ZNRF3: variants seen among roughly 807,000 people sequenced by gnomAD.
ZNRF3 encodes the protein E3 ubiquitin-protein ligase ZNRF3.
ZNRF3 carries 23 observed loss-of-function variants against 72.5 expected under a neutral mutation model. The observed-to-expected ratio is 0.32, with a 90% CI of 0.23 to 0.45. The LOEUF (loss-of-function observed/expected upper bound fraction) is 0.45. ZNRF3 is among the 20% of genes least tolerant of loss of function. ZNRF3 has a pLI of 1.00. For synonymous variants in ZNRF3, 610 were observed against 545.3 expected, an observed-to-expected ratio of 1.12 and a Z score of -1.65; for missense variants, 1,169 against 1,272.1, an observed-to-expected ratio of 0.92 and a Z score of 1.23.
At chr22:28,902,214 G>C (rs1405708172) in intron 1 of ZNRF3, among the ~76,000 whole-genome samples, 2 of 152,142 alleles carry the variant, frequency 1.3e-5, no homozygotes, top group African/African-American at 4.8e-5. Context: ...TGGGATTACA[G>C]GTGTGAGCCA....
intron 1 of ZNRF3, among the ~76,000 whole-genome samples, chr22:28,894,276 C>T (rs1440070457): frequency 2.0e-5 from 3 of 150,788 alleles, no homozygotes; most frequent in Non-Finnish European, 3.0e-5. Flanking sequence ...CTCAAAAATA[C>T]AAAATGTCGT....
chr22:28,918,586 TCTC>T (rs1477854302), intron 1 of ZNRF3, among the ~76,000 whole-genome samples: 1 of 148,914 alleles, frequency 6.7e-6, no homozygotes, highest in African/African-American at 2.5e-5. Flanking sequence ...GTGTGTAAAG[TCTC>T]CTCAAAAGGA....
At chr22:28,969,073 G>A (rs749460598) in intron 1 of ZNRF3, among the ~76,000 whole-genome samples, 4 of 152,128 alleles carry the variant, frequency 2.6e-5, no homozygotes, top group Non-Finnish European at 5.9e-5. Context: ...AACATCCTAG[G>A]CTTCACTGTG....
intron 1 of ZNRF3, among the ~76,000 whole-genome samples, chr22:28,906,156 C>T (rs562392664): frequency 6.6e-6 from 1 of 152,340 alleles, no homozygotes; most frequent in African/African-American, 2.4e-5. Context: ...GAAACCTCAT[C>T]TTTACAAAAA....
intron 1 of ZNRF3, among the ~76,000 whole-genome samples, chr22:28,927,798 C>T (rs1172041908): frequency 6.6e-6 from 1 of 152,160 alleles, no homozygotes; most frequent in African/African-American, 2.4e-5. Context: ...ATAGATTTCT[C>T]TTTTACTGTG....
intron 1 of ZNRF3, among the ~76,000 whole-genome samples, chr22:28,921,318 C>A (rs149206318): frequency 2.0e-3 from 303 of 152,258 alleles, no homozygotes; most frequent in Admixed American, 2.1e-3. Flanking sequence ...CCTTTCAGAG[C>A]TTTTTACTGC....
rs1043913343 is a variant in ZNRF3, at chr22:29,050,033, C to G, written c.1852C>G (p.Arg618Gly). The G allele has an allele frequency of 6.2e-7, 1 of 1,609,742 alleles. No homozygotes were observed. Among genetic ancestry groups the G allele is most frequent in the Non-Finnish European group, 8.5e-7 (1 of 1,178,500 alleles). The change falls in exon 8 of 9, where the codon CGG becomes GGG. Residue 618 changes from arginine (R) to glycine (G), a missense_variant. Transcript: ENST00000544604. ...GGCGGGGGGCTCGGGCAGCTCGGGC[C>G]GGGGACCTGCCCTGTGCTTCGAGGG... ...SEAGGSGSSG[R>G]GPALCFEGSP...
intron 1 of ZNRF3, among the ~76,000 whole-genome samples, chr22:28,894,338 CTTTTT>C (rs139430): frequency 7.2e-6 from 1 of 139,328 alleles, no homozygotes; most frequent in Admixed American, 7.2e-5. Context: ...AAAATACTGG[CTTTTT>C]TTTTTTTTTT....
chr22:29,047,254 C>T (rs2037092555), intron 6 of ZNRF3, among the ~76,000 whole-genome samples: 1 of 152,208 alleles, frequency 6.6e-6, no homozygotes, highest in Admixed American at 6.5e-5. Flanking sequence ...GAGACTTTGT[C>T]TGTCTTAGAA....
intron 2 of ZNRF3, among the ~76,000 whole-genome samples, chr22:29,024,259 A>C (rs914706118): frequency 4.1e-5 from 6 of 145,694 alleles, no homozygotes; most frequent in Admixed American, 3.4e-4. Context: ...CTCTTTCATT[A>C]TAATGACTTT....
chr22:28,902,423 C>G (rs2034125828), intron 1 of ZNRF3, among the ~76,000 whole-genome samples: 1 of 151,888 alleles, frequency 6.6e-6, no homozygotes, highest in African/African-American at 2.4e-5. Context: ...CACTCTGTTG[C>G]CCAGGCAGGA....
At position 29,050,938 on chromosome 22, in the gene ZNRF3, T is replaced by C; in HGVS notation, c.2757T>C (p.Thr919=). 2 of 1,516,470 alleles carry C rather than the reference T, an allele frequency of 1.3e-6. No homozygotes were observed. Among genetic ancestry groups the C allele is most frequent in the Non-Finnish European group, 1.8e-6 (2 of 1,140,218 alleles). The allele number at this position is 1,516,470 out of a possible 1,614,324, so 93.9% of individuals were successfully genotyped here. The change falls in exon 8 of 9, where the codon ACT becomes ACC. Residue 919 remains threonine (T), a synonymous_variant. Coordinates refer to ENST00000544604, the MANE Select transcript of ZNRF3 (RefSeq NM_001206998.2). ...QDTQESSTTA[T]EAAGPRSHSA... is the part of the protein sequence containing the mutation. ...CTCAGGAGTCCAGCACCACTGCCAC[T>C]GAGGCTGCAGGTGAGAGCAGGAAAT...
chr22:28,986,685 C>T (rs891528645), intron 1 of ZNRF3: 1 of 979,798 alleles, frequency 1.0e-6, no homozygotes, highest in Non-Finnish European at 1.2e-6. Flanking sequence ...GCCAAACAAT[C>T]TTGGATACTA....
At chr22:29,009,662 A>G (rs933176565) in intron 2 of ZNRF3, among the ~76,000 whole-genome samples, 4 of 152,166 alleles carry the variant, frequency 2.6e-5, no homozygotes, top group African/African-American at 9.7e-5. Flanking sequence ...TATATACCTG[A>G]ATTAAAAAGT....
intron 2 of ZNRF3, among the ~76,000 whole-genome samples, chr22:29,035,618 C>A (rs2036852844): frequency 2.0e-5 from 3 of 152,220 alleles, no homozygotes; most frequent in Admixed American, 2.0e-4. Flanking sequence ...CTCTGTCGCC[C>A]AGGCTGGAGT....
At chr22:28,976,822 G>C (rs756546034) in intron 1 of ZNRF3, among the ~76,000 whole-genome samples, 1 of 152,070 alleles carries the variant, frequency 6.6e-6, no homozygotes. Flanking sequence ...TTTAGCTTAA[G>C]GTTTCTATAG....
chr22:28,903,200 C>G (rs1030893137), intron 1 of ZNRF3, among the ~76,000 whole-genome samples: 1 of 152,166 alleles, frequency 6.6e-6, no homozygotes, highest in African/African-American at 2.4e-5. Context: ...GATCATTGTC[C>G]AGGCCTTAAG....
chr22:28,912,389 A>C (rs1569243181), intron 1 of ZNRF3, among the ~76,000 whole-genome samples: 1 of 152,102 alleles, frequency 6.6e-6, no homozygotes, highest in East Asian at 1.9e-4. Flanking sequence ...CCTTCTGCTT[A>C]AGTAACTCTT....
intron 1 of ZNRF3, among the ~76,000 whole-genome samples, chr22:28,949,084 A>G (rs149773456): frequency 7.2e-5 from 11 of 152,008 alleles, no homozygotes; most frequent in Non-Finnish European, 1.2e-4. Context: ...GGTTCAATCA[A>G]TTCTCTTGCC....
Sources: allele counts gnomAD v4.1 joint callset (sites outside exome capture counted in the v4.1 genomes callset), GRCh38; gene constraint gnomAD v4.1.1; transcripts MANE v1.5; gene names NCBI Gene and HGNC (gene_info 2026-07-23, HGNC 2026-07-21).